The following MARCHF1 variants were observed in gnomAD, a reference collection of about 807,000 sequenced individuals.
The protein encoded by MARCHF1 is E3 ubiquitin-protein ligase MARCHF1.
MARCHF1 carries 40 observed loss-of-function variants against 54.2 expected under a neutral mutation model. The observed-to-expected ratio is 0.74, with a 90% CI of 0.57 to 0.96. The LOEUF is 0.96. Ranked by LOEUF, MARCHF1 falls within the 40% of genes least tolerant of loss-of-function variation. MARCHF1 has a pLI of 0.00. For missense variants in MARCHF1, 586 were observed against 656.5 expected (o/e 0.89, Z 1.17); for synonymous variants, 236 against 236.3 (o/e 1.00, Z 0.01).
At position 163,632,796 on chromosome 4, in the gene MARCHF1, T is replaced by G. The variant is rs372437810; in HGVS notation, c.163-19403A>C. On this transcript the variant is annotated intron_variant, in intron 5 of 9. Transcript: ENST00000514618. ...TGTAGGCTCAACCTCTGGGGGCAGGTCACAGACAAACAAAAAGACAGCAGT... is the reference window on the plus strand; with the variant it reads ...TGTAGGCTCAACCTCTGGGGGCAGGGCACAGACAAACAAAAAGACAGCAGT... 3.0e-4 allele frequency among the ~76,000 whole-genome samples: 45 copies of G among 152,148 alleles called. 1 individual carries two copies. Among genetic ancestry groups the G allele is most frequent in the East Asian group, 9.7e-4 (5 of 5,178 alleles).
intron 3 of MARCHF1, among the ~76,000 whole-genome samples, chr4:163,984,558 C>A (rs1454844231): frequency 6.6e-6 from 1 of 152,144 alleles, no homozygotes; most frequent in Non-Finnish European, 1.5e-5. Context: ...CTCATAGACA[C>A]ATTTGCTTGC....
At position 163,964,783 on chromosome 4, in the gene MARCHF1, C is replaced by T. The variant is rs914818045; in HGVS notation, c.-39+23718G>A. 5.9e-5 allele frequency among the ~76,000 whole-genome samples: 9 copies of T among 151,958 alleles called. No individual in the cohort carries two copies. In the South Asian group the frequency reaches 6.2e-4, roughly 10 times the overall value. ...CATCTACTAGGATGTCCTCCAAGCA[C>T]ACAGAACATGCTAAAATTTTCCACT... On this transcript the variant is annotated intron_variant, in intron 3 of 9. Transcript: ENST00000514618.
intron 4 of MARCHF1, among the ~76,000 whole-genome samples, chr4:163,724,094 G>A (rs538129751): frequency 1.3e-5 from 2 of 152,062 alleles, no homozygotes; most frequent in South Asian, 4.2e-4. Flanking sequence ...GAGGGGGAGA[G>A]GTACTCTAAT....
chr4:163,766,229 C>T (rs552434004), intron 4 of MARCHF1, among the ~76,000 whole-genome samples: 9 of 152,018 alleles, frequency 5.9e-5, no homozygotes, highest in Non-Finnish European at 1.2e-4. Flanking sequence ...TTTCTATTCT[C>T]ACTGGTAGAA....
intron 4 of MARCHF1, among the ~76,000 whole-genome samples, chr4:163,820,707 CCT>C (rs894948486): frequency 6.6e-6 from 1 of 151,900 alleles, no homozygotes; most frequent in Non-Finnish European, 1.5e-5. Context: ...GTTTTAGAGC[CCT>C]CTCTCTCATT....
intron 7 of MARCHF1, among the ~76,000 whole-genome samples, chr4:163,609,810 G>A (rs1482503155): frequency 6.6e-6 from 1 of 151,748 alleles, no homozygotes; most frequent in South Asian, 2.1e-4. Flanking sequence ...CAATCCCCTT[G>A]ACCTGCCTCA....
chr4:164,295,040 TAA>T (rs1336485096), intron 1 of MARCHF1, among the ~76,000 whole-genome samples: 3 of 151,264 alleles, frequency 2.0e-5, no homozygotes, highest in Non-Finnish European at 4.4e-5. Flanking sequence ...CACATTTACG[TAA>T]GTTTTACATA....
intron 4 of MARCHF1, 115 bp downstream of exon 4, chr4:163,853,906 T>C: frequency 1.2e-6 from 1 of 838,782 alleles, no homozygotes; most frequent in South Asian, 2.3e-5. Flanking sequence ...ATAATACAAA[T>C]GCAAATACTG....
At chr4:163,637,927 T>G (rs1742401580) in intron 5 of MARCHF1, among the ~76,000 whole-genome samples, 1 of 150,542 alleles carries the variant, frequency 6.6e-6, no homozygotes, top group African/African-American at 2.5e-5. Context: ...AAATGATGAG[T>G]TCATGTCCTT....
intron 3 of MARCHF1, among the ~76,000 whole-genome samples, chr4:163,899,526 C>A (rs1750891329): frequency 1.3e-5 from 2 of 151,992 alleles, no homozygotes; most frequent in Non-Finnish European, 1.5e-5. Context: ...AAGAATAGTC[C>A]CTGGCTGTGT....
At chr4:164,144,277 A>G (rs1258809937) in intron 1 of MARCHF1, among the ~76,000 whole-genome samples, 3 of 151,784 alleles carry the variant, frequency 2.0e-5, no homozygotes, top group Admixed American at 1.3e-4. Context: ...CAGAAAGTCA[A>G]CAAGGATACC....
chr4:163,684,247 A>C (rs1231898007), intron 5 of MARCHF1, among the ~76,000 whole-genome samples: 2 of 152,208 alleles, frequency 1.3e-5, no homozygotes, highest in East Asian at 3.9e-4. Flanking sequence ...CCATTGTAGG[A>C]AGAACATGTG....
At chr4:163,746,037 C>T (rs2110755595) in intron 4 of MARCHF1, among the ~76,000 whole-genome samples, 1 of 152,258 alleles carries the variant, frequency 6.6e-6, no homozygotes, top group African/African-American at 2.4e-5. Flanking sequence ...CTATATTTTA[C>T]ATTAGAGTTT....
At chr4:163,787,039 G>A (rs1747641742) in intron 4 of MARCHF1, among the ~76,000 whole-genome samples, 1 of 151,862 alleles carries the variant, frequency 6.6e-6, no homozygotes. Context: ...ACAAAAGAGT[G>A]AAGTTGGACA....
intron 2 of MARCHF1, among the ~76,000 whole-genome samples, chr4:164,096,666 G>C (rs1755420490): frequency 6.6e-6 from 1 of 151,942 alleles, no homozygotes. Context: ...AAGAATCAAA[G>C]TTAGAGAAAA....
chr4:164,075,654 T>A (rs1174151854), intron 2 of MARCHF1, among the ~76,000 whole-genome samples: 1 of 152,234 alleles, frequency 6.6e-6, no homozygotes, highest in Non-Finnish European at 1.5e-5. Flanking sequence ...AAAGTCTAAG[T>A]GATAGTTGAA....
At position 163,854,110 on chromosome 4, in the gene MARCHF1, T is replaced by A; in HGVS notation, c.22A>T (p.Ile8Leu). Residue 8 changes from isoleucine (I) to leucine (L), a missense_variant, in exon 4 of 10, where the codon ATA (isoleucine) becomes TTA (leucine). By Grantham distance (5) the Ile-to-Leu change is conservative. Transcript: ENST00000514618. ...GGAATTCTGTGAGGGTTACGGGCTA[T>A]CGCTTCACACCAGCCCAGCATTTTC... MLGWCEA[I>L]ARNPHRIPNN... 2 of 1,536,626 alleles carry A rather than the reference T, an allele frequency of 1.3e-6. No homozygotes were observed. Among genetic ancestry groups the A allele is most frequent in the Non-Finnish European group, 1.7e-6 (2 of 1,146,466 alleles).
intron 5 of MARCHF1, among the ~76,000 whole-genome samples, chr4:163,681,263 A>T (rs1301767804): frequency 2.0e-5 from 3 of 152,140 alleles, no homozygotes; most frequent in Admixed American, 6.5e-5. Flanking sequence ...AGAAAGAAAG[A>T]TTGATAGAAA....
intron 1 of MARCHF1, among the ~76,000 whole-genome samples, chr4:164,343,765 T>C (rs892517776): frequency 7.2e-5 from 11 of 152,210 alleles, no homozygotes; most frequent in African/African-American, 1.9e-4. Context: ...GAAACACTTA[T>C]ACATTGCTGA....
Sources: allele counts gnomAD v4.1 joint callset (sites outside exome capture counted in the v4.1 genomes callset), GRCh38; gene constraint gnomAD v4.1.1; transcripts MANE v1.5; gene names NCBI Gene and HGNC (gene_info 2026-07-23, HGNC 2026-07-21).